The following PTPRD variants were observed in gnomAD, a reference collection of about 807,000 sequenced individuals.
PTPRD encodes the protein protein tyrosine phosphatase receptor type D.
A neutral mutation model predicts 214.5 loss-of-function variants in PTPRD; 34 were observed. The ratio of observed to expected loss-of-function variants is 0.16; its 90% CI spans 0.12 to 0.21. The LOEUF is 0.21. Ranked by LOEUF, PTPRD falls within the 10% of genes least tolerant of loss-of-function variation. The probability of loss-of-function intolerance (pLI) is 1.00; values close to 1 mark genes in which losing one functional copy is unlikely to be tolerated. For synonymous variants in PTPRD, 1,128 were observed against 845.7 expected (o/e 1.33, Z -5.79); for missense variants, 2,545 against 2,398.7 (o/e 1.06, Z -1.27).
intron 3 of PTPRD, among the ~76,000 whole-genome samples, chr9:10,279,108 C>A (rs2094933590): frequency 6.6e-6 from 1 of 152,094 alleles, no homozygotes; most frequent in African/African-American, 2.4e-5. Context: ...GGAACTCTGC[C>A]TCAATCCTCA....
chr9:8,954,269 C>T (rs975909535), intron 11 of PTPRD, among the ~76,000 whole-genome samples: 2 of 151,888 alleles, frequency 1.3e-5, no homozygotes, highest in Admixed American at 6.6e-5. Flanking sequence ...TACATGTTCT[C>T]ACTTATAGGT....
intron 11 of PTPRD, among the ~76,000 whole-genome samples, chr9:8,766,403 G>A (rs1238027344): frequency 6.6e-6 from 1 of 152,074 alleles, no homozygotes; most frequent in Admixed American, 6.5e-5. Flanking sequence ...ATTCTGCAGG[G>A]TCAGGTCCCC....
intron 5 of PTPRD, among the ~76,000 whole-genome samples, chr9:9,880,362 G>C (rs556913602): frequency 6.6e-6 from 1 of 152,262 alleles, no homozygotes; most frequent in South Asian, 2.1e-4. Context: ...ATGCCTAAAA[G>C]ATAACTACGT....
chr9:9,145,689 G>C (rs1051396380), intron 10 of PTPRD, among the ~76,000 whole-genome samples: 1 of 152,140 alleles, frequency 6.6e-6, no homozygotes, highest in Non-Finnish European at 1.5e-5. Context: ...GGGCTACATG[G>C]AGTGAGCTGG....
At chr9:10,304,654 C>G (rs1426712166) in intron 3 of PTPRD, among the ~76,000 whole-genome samples, 2 of 152,074 alleles carry the variant, frequency 1.3e-5, no homozygotes, top group Admixed American at 6.6e-5. Context: ...AACTCCCATT[C>G]ACAATTTTTA....
At chr9:10,567,382 G>A (rs889553133) in intron 2 of PTPRD, among the ~76,000 whole-genome samples, 1 of 138,410 alleles carries the variant, frequency 7.2e-6, no homozygotes, top group Non-Finnish European at 1.7e-5. Context: ...TAGCTTTTCT[G>A]CAAAAAATAA....
chr9:8,425,791 C>T (rs753113367), intron 35 of PTPRD, among the ~76,000 whole-genome samples: 3 of 152,056 alleles, frequency 2.0e-5, no homozygotes, highest in Non-Finnish European at 4.4e-5. Context: ...CTCTTATAAA[C>T]AAAGAAACTG....
intron 2 of PTPRD, among the ~76,000 whole-genome samples, chr9:10,501,987 G>C (rs2043895892): frequency 6.6e-6 from 1 of 151,898 alleles, no homozygotes; most frequent in Non-Finnish European, 1.5e-5. Context: ...CTCCTCAGGA[G>C]ATTCTAGTGT....
chr9:10,327,467 G>GT (rs2154432123), intron 3 of PTPRD, among the ~76,000 whole-genome samples: 2 of 151,338 alleles, frequency 1.3e-5, no homozygotes, highest in African/African-American at 4.8e-5. Context: ...AAGGTCTCAC[G>GT]TGTGTGTGTA....
At position 9,402,307 on chromosome 9, in the gene PTPRD, A is replaced by G. The variant is rs376458545; in HGVS notation, c.-236-4825T>C. Among the ~76,000 whole-genome samples, 5 of 152,152 alleles carry G rather than the reference A, an allele frequency of 3.3e-5. No homozygotes were observed. In the South Asian group the frequency reaches 8.3e-4, roughly 25 times the overall value. On this transcript the variant is annotated intron_variant, in intron 8 of 45. Coordinates refer to ENST00000381196, the MANE Select transcript of PTPRD (RefSeq NM_002839.4). ...TGGATGTTCCCTGCAACATTTGTCA[A>G]TCTTAAAGAAGAGCCTTGGGATCTC... is the stretch of plus-strand genomic sequence containing the variant.
intron 8 of PTPRD, among the ~76,000 whole-genome samples, chr9:9,472,999 T>G (rs2094734454): frequency 6.6e-6 from 1 of 152,188 alleles, no homozygotes; most frequent in African/African-American, 2.4e-5. Context: ...CTTTTCTAGA[T>G]TTTTGAAAAT....
intron 3 of PTPRD, among the ~76,000 whole-genome samples, chr9:10,151,486 C>T (rs113637480): frequency 2.8e-4 from 42 of 152,118 alleles, no homozygotes; most frequent in African/African-American, 1.0e-3. Context: ...TGATCTCGAA[C>T]TCCTGACCTG....
rs538920121 is a variant in PTPRD, at chr9:9,805,155, T to C, written c.-367-38304A>G. Among the ~76,000 whole-genome samples, 10 of 152,238 alleles carry C rather than the reference T, an allele frequency of 6.6e-5. No homozygotes were observed. In the East Asian group the frequency reaches 1.5e-3, roughly 24 times the overall value. On this transcript the variant is annotated intron_variant, in intron 5 of 45. Transcript: ENST00000381196. ...GGTTTTGGGGCCAGGCTTACCCAAA[T>C]TCTGCCATTTACTGTGTGGCCTCAA...
intron 12 of PTPRD, among the ~76,000 whole-genome samples, chr9:8,731,117 T>C (rs369399784): frequency 1.6e-4 from 25 of 152,210 alleles, no homozygotes; most frequent in African/African-American, 5.1e-4. Context: ...TCCTCCTTAA[T>C]GCAACATCAC....
chr9:8,494,744 T>G (rs2097223131), intron 26 of PTPRD, among the ~76,000 whole-genome samples: 1 of 152,210 alleles, frequency 6.6e-6, no homozygotes, highest in Non-Finnish European at 1.5e-5. Flanking sequence ...CATAACGCAA[T>G]TTGAAATGCG....
At chr9:10,138,970 C>G (rs187033278) in intron 3 of PTPRD, among the ~76,000 whole-genome samples, 23 of 152,042 alleles carry the variant, frequency 1.5e-4, no homozygotes, top group Admixed American at 1.2e-3. Flanking sequence ...GCAACCACCC[C>G]CCTTGAGAAC....
At chr9:8,614,477 T>C (rs1262207014) in intron 14 of PTPRD, among the ~76,000 whole-genome samples, 2 of 152,190 alleles carry the variant, frequency 1.3e-5, no homozygotes, top group African/African-American at 4.8e-5. Context: ...TGCTGAATGT[T>C]GTAAGGAAGG....
intron 2 of PTPRD, among the ~76,000 whole-genome samples, chr9:10,488,752 G>A (rs1000176844): frequency 2.0e-5 from 3 of 152,090 alleles, no homozygotes; most frequent in Non-Finnish European, 2.9e-5. Flanking sequence ...ACAGGCCCAT[G>A]GGGAGTACTG....
intron 8 of PTPRD, among the ~76,000 whole-genome samples, chr9:9,415,450 G>C (rs2076714809): frequency 1.3e-5 from 2 of 152,100 alleles, no homozygotes; most frequent in African/African-American, 4.8e-5. Flanking sequence ...CTCCAGCCTG[G>C]ATGACAGAGC....
Sources: gnomAD v4.1 joint callset for allele counts (sites outside exome capture counted in the v4.1 genomes callset) on GRCh38, gnomAD v4.1.1 for gene constraint, MANE v1.5 for transcripts, NCBI Gene and HGNC (gene_info 2026-07-23, HGNC 2026-07-21) for gene names.